The following ZBTB46 variants were observed in gnomAD, a reference collection of about 807,000 sequenced individuals.
ZBTB46 encodes the protein zinc finger and BTB domain-containing protein 46.
ZBTB46 carries 8 observed loss-of-function variants against 44.1 expected under a neutral mutation model. The ratio of observed to expected loss-of-function variants is 0.18; its 90% confidence interval spans 0.11 to 0.33. The LOEUF is 0.33. Among genes scored for constraint, ZBTB46 ranks in the 10% least tolerant of loss-of-function variants. The probability of loss-of-function intolerance (pLI) is 1.00; values close to 1 mark genes in which losing one functional copy is unlikely to be tolerated. For synonymous variants in ZBTB46, 409 were observed against 382.3 expected (o/e 1.07, Z -0.81); for missense variants, 651 against 847.7 (o/e 0.77, Z 2.88).
chr20:63,832,385 C>T (rs1455118028), upstream of ZBTB46, among the ~76,000 whole-genome samples: 1 of 152,112 alleles, frequency 6.6e-6, no homozygotes, highest in East Asian at 1.9e-4. This position sits in a 1 kb window ranked among gnomAD's most constrained non-coding sequence, Gnocchi z 5.0. Context: ...GAGCCCGGCC[C>T]GGCCAACCAA....
intron 2 of ZBTB46, among the ~76,000 whole-genome samples, chr20:63,781,140 C>CAAAAAAAAAAAAA (rs58102231): frequency 8.3e-5 from 7 of 83,930 alleles, no homozygotes; most frequent in South Asian, 5.0e-4. Context: ...GACTCTGCCT[C>CAAAAAAAAAAAAA]AAAAAAAAAA....
intron 2 of ZBTB46, among the ~76,000 whole-genome samples, chr20:63,777,845 A>C (rs1382387134): frequency 3.3e-5 from 5 of 152,222 alleles, no homozygotes; most frequent in Non-Finnish European, 5.9e-5. Flanking sequence ...AGGCCACCAC[A>C]CAGAGGAGCC....
chr20:63,774,690 T>C (rs910770242), intron 3 of ZBTB46, among the ~76,000 whole-genome samples: 1 of 38,782 alleles, frequency 2.6e-5, no homozygotes, highest in Non-Finnish European at 5.2e-5. Context: ...CTGCGGTGGG[T>C]TTTTTTTGTT....
chr20:63,818,683 G>A (rs529459436), intron 1 of ZBTB46, among the ~76,000 whole-genome samples: 53 of 151,684 alleles, frequency 3.5e-4, no homozygotes, highest in African/African-American at 1.2e-3. Context: ...GTGAAACCCC[G>A]TGTCTATTAA....
At chr20:63,827,624 A>C (rs1331346145) in intron 1 of ZBTB46, among the ~76,000 whole-genome samples, 1 of 149,316 alleles carries the variant, frequency 6.7e-6, no homozygotes, top group Non-Finnish European at 1.5e-5. Context: ...CAAAAAAAAA[A>C]AAACAAAAAA....
intron 1 of ZBTB46, among the ~76,000 whole-genome samples, chr20:63,801,791 C>T (rs972327976): frequency 2.6e-5 from 4 of 152,150 alleles, no homozygotes; most frequent in African/African-American, 9.6e-5. Flanking sequence ...TTCTTGAAGT[C>T]AGTGAGACCA....
At chr20:63,783,321 C>T (rs926178144) in intron 2 of ZBTB46, among the ~76,000 whole-genome samples, 19 of 152,106 alleles carry the variant, frequency 1.2e-4, no homozygotes, top group African/African-American at 4.3e-4. Context: ...CCCAGCTACT[C>T]GGGAGGCTGA....
At chr20:63,757,569 C>T (rs1419903168) in intron 3 of ZBTB46, among the ~76,000 whole-genome samples, 3 of 152,158 alleles carry the variant, frequency 2.0e-5, no homozygotes, top group African/African-American at 7.2e-5. Flanking sequence ...ACCACCACAG[C>T]GTCTCCACGA....
At chr20:63,777,398 T>C (rs1047328666) in intron 2 of ZBTB46, among the ~76,000 whole-genome samples, 3 of 151,862 alleles carry the variant, frequency 2.0e-5, no homozygotes, top group Non-Finnish European at 4.4e-5. Context: ...GCCTGAGAGG[T>C]TGAGGCTGTG....
chr20:63,803,350 C>G lies in ZBTB46; in HGVS notation c.-33-12560G>C, dbSNP rs1012549549. ...ACATCATATTACCATTGTTCGTGGT[C>G]GCATTTCAAAATTTTTAAGTGAGCT... is the stretch of plus-strand genomic sequence containing the variant. On this transcript the variant is annotated intron_variant, in intron 1 of 4. Coordinates refer to ENST00000245663, the MANE Select transcript of ZBTB46 (RefSeq NM_001369741.1). The surrounding 1 kb of genome is among the most constrained non-coding windows in gnomAD (Gnocchi z 4.0). 1.0e-6 allele frequency: 1 copy of G among 985,334 alleles called. No homozygotes were observed. Among genetic ancestry groups the G allele is most frequent in the African/African-American group, 1.7e-5 (1 of 57,240 alleles). 61.0% of individuals were successfully genotyped at this position (985,334 alleles called of 1,614,324 possible). A position where few individuals can be genotyped will look rare whatever the true frequency, so the allele number is the denominator to read the frequency against.
intron 1 of ZBTB46, among the ~76,000 whole-genome samples, chr20:63,818,691 T>TAA (rs983632048): frequency 6.7e-6 from 1 of 148,878 alleles, no homozygotes; most frequent in African/African-American, 2.5e-5. Context: ...CCGTGTCTAT[T>TAA]AAAAAAAAAT....
intron 1 of ZBTB46, among the ~76,000 whole-genome samples, chr20:63,799,285 C>T (rs1286681262): frequency 6.6e-6 from 1 of 152,056 alleles, no homozygotes; most frequent in African/African-American, 2.4e-5. Flanking sequence ...AGCCATCCAC[C>T]AGCCTCAGCC....
At chr20:63,775,503 T>C (rs985949332) in intron 3 of ZBTB46, 175 bp downstream of exon 3, 2 of 807,144 alleles carry the variant, frequency 2.5e-6, no homozygotes, top group African/African-American at 1.7e-5. Context: ...CCCGTGCACC[T>C]GAGAGGCCAG....
At chr20:63,828,768 C>T (rs1298455541) in intron 1 of ZBTB46, among the ~76,000 whole-genome samples, 1 of 152,242 alleles carries the variant, frequency 6.6e-6, no homozygotes, top group Non-Finnish European at 1.5e-5. Flanking sequence ...GAGCGGGTGC[C>T]TGGGCACCAG....
At chr20:63,783,135 A>G (rs1394211302) in intron 2 of ZBTB46, among the ~76,000 whole-genome samples, 1 of 152,056 alleles carries the variant, frequency 6.6e-6, no homozygotes, top group Non-Finnish European at 1.5e-5. Context: ...GTCTTAAAAA[A>G]AACAAAAAAC....
intron 4 of ZBTB46, among the ~76,000 whole-genome samples, chr20:63,749,165 C>T (rs1006272582): frequency 4.6e-5 from 7 of 152,178 alleles, no homozygotes; most frequent in South Asian, 4.1e-4. Context: ...AAGCCTGGAC[C>T]GGGATGGGCG....
At chr20:63,810,924 G>A (rs959318300) in intron 1 of ZBTB46, among the ~76,000 whole-genome samples, 12 of 152,210 alleles carry the variant, frequency 7.9e-5, no homozygotes, top group African/African-American at 2.9e-4. Context: ...CAGCAGAGCC[G>A]GAGAGCACCA....
At chr20:63,814,784 T>C (rs921495176) in intron 1 of ZBTB46, 1 of 152,508 alleles carries the variant, frequency 6.6e-6, no homozygotes, top group African/African-American at 2.4e-5. Context: ...CCATTCACAA[T>C]GCTATGTGCT....
Position 63,752,782 on chromosome 20 carries a change from C to G in ZBTB46, c.1302G>C (p.Lys434Asn). Residue 434 changes from lysine (K) to asparagine (N), a missense_variant, in exon 4 of 5, where the codon AAG (lysine) becomes AAC (asparagine). Physicochemically the swap from Lys to Asn is moderately conservative, Grantham distance 94. Coordinates refer to ENST00000245663, the MANE Select transcript of ZBTB46 (RefSeq NM_001369741.1). The surrounding 1 kb of genome is among the most constrained non-coding windows in gnomAD (Gnocchi z 5.6). ...CTCCCGTGTGCGAGCGCATGTGTCG[C>G]TTGAGGATGCACTGGTGCATGGCCG... ...SFSAMHQCIL[K>N]RHMRSHTGER... is the part of the protein sequence containing the mutation. The G allele has an allele frequency of 1.9e-6, 3 of 1,613,152 alleles. No homozygotes were observed. The highest frequency in any genetic ancestry group is 1.7e-6 in the Non-Finnish European group (2 of 1,179,574).
Sources: gnomAD v4.1 joint callset for allele counts (sites outside exome capture counted in the v4.1 genomes callset) on GRCh38, gnomAD v4.1.1 for gene constraint, Gnocchi (gnomAD v3.1) non-coding constraint, MANE v1.5 for transcripts, NCBI Gene and HGNC (gene_info 2026-07-23, HGNC 2026-07-21) for gene names.